PARD3B: variants seen among roughly 807,000 people sequenced by gnomAD.
PARD3B encodes the protein partitioning defective 3 homolog B.
A neutral mutation model predicts 130.2 loss-of-function variants in PARD3B; 103 were observed. That is an observed-to-expected ratio of 0.79 (90% CI 0.67 to 0.93). The LOEUF (loss-of-function observed/expected upper bound fraction) is 0.93. Ranked by LOEUF, PARD3B falls within the 40% of genes least tolerant of loss-of-function variation. PARD3B has a pLI of 0.00. For synonymous variants in PARD3B, 583 were observed against 553.2 expected, an observed-to-expected ratio of 1.05 and a Z score of -0.76; for missense variants, 1,609 against 1,499.2, an observed-to-expected ratio of 1.07 and a Z score of -1.21.
intron 22 of PARD3B, among the ~76,000 whole-genome samples, chr2:205,611,417 C>T (rs528996206): frequency 2.0e-5 from 3 of 152,180 alleles, no homozygotes; most frequent in African/African-American, 7.2e-5. Context: ...TTCCAGCCCC[C>T]CTTTTGCTTA....
At chr2:204,559,696 C>A (rs1005712696) in intron 1 of PARD3B, among the ~76,000 whole-genome samples, 3 of 152,076 alleles carry the variant, frequency 2.0e-5, no homozygotes, top group Non-Finnish European at 4.4e-5. Flanking sequence ...GGGTATATAC[C>A]CAAAGGATTA....
intron 1 of PARD3B, among the ~76,000 whole-genome samples, chr2:204,608,782 G>A (rs1449147648): frequency 6.6e-6 from 1 of 152,194 alleles, no homozygotes; most frequent in African/African-American, 2.4e-5. Flanking sequence ...CTTTTGCAGT[G>A]TGATGATATT....
chr2:204,861,210 CTCTCGT>C lies in PARD3B; in HGVS notation c.223-103941_223-103936del, dbSNP rs1201134530. On this transcript the variant is annotated intron_variant, in intron 2 of 22. Coordinates refer to ENST00000406610, the MANE Select transcript of PARD3B (RefSeq NM_001302769.2). ...TCTCTCTCTCTCTCTCTCTCTCTCT[CTCTCGT>C]ACCTCTTATTTGATATTGTGTTTCC... Among the ~76,000 whole-genome samples the C allele has an allele frequency of 3.3e-5, 4 of 122,898 alleles. No homozygotes were observed. The East Asian group carries it at 9.2e-4, about 28-fold the overall frequency. 80.6% of individuals were successfully genotyped at this position (122,898 alleles called of 152,430 possible). A position where few individuals can be genotyped will look rare whatever the true frequency, so the allele number is the denominator to read the frequency against.
At chr2:205,475,220 C>T (rs1011566689) in intron 20 of PARD3B, among the ~76,000 whole-genome samples, 1 of 152,068 alleles carries the variant, frequency 6.6e-6, no homozygotes, top group Admixed American at 6.6e-5. Flanking sequence ...AAGAGCCTCA[C>T]AGTAGATTGT....
chr2:205,243,055 A>T (rs2125915963), intron 15 of PARD3B, among the ~76,000 whole-genome samples: 1 of 152,244 alleles, frequency 6.6e-6, no homozygotes, highest in East Asian at 1.9e-4. Flanking sequence ...AATCCCAGCT[A>T]CTCAGGAGGC....
intron 20 of PARD3B, among the ~76,000 whole-genome samples, chr2:205,499,155 A>G (rs2050059144): frequency 6.6e-6 from 1 of 152,104 alleles, no homozygotes; most frequent in African/African-American, 2.4e-5. Flanking sequence ...AATAACTACA[A>G]TAACCTAATC....
At chr2:205,425,889 G>A (rs2047128408) in intron 19 of PARD3B, among the ~76,000 whole-genome samples, 1 of 152,154 alleles carries the variant, frequency 6.6e-6, no homozygotes, top group Non-Finnish European at 1.5e-5. Context: ...CGTGTTATTT[G>A]TGTGTGCACA....
intron 2 of PARD3B, among the ~76,000 whole-genome samples, chr2:204,722,094 A>G (rs773483927): frequency 3.3e-5 from 5 of 152,210 alleles, no homozygotes; most frequent in Non-Finnish European, 5.9e-5. Flanking sequence ...ATAGATTTCA[A>G]TTATACTAAA....
At chr2:204,839,582 A>G (rs2044187539) in intron 2 of PARD3B, among the ~76,000 whole-genome samples, 1 of 152,134 alleles carries the variant, frequency 6.6e-6, no homozygotes, top group Non-Finnish European at 1.5e-5. Flanking sequence ...ACTCTTTTAG[A>G]GAGAGATGAT....
intron 3 of PARD3B, among the ~76,000 whole-genome samples, chr2:204,985,941 A>C (rs939399101): frequency 1.3e-5 from 2 of 151,866 alleles, no homozygotes; most frequent in African/African-American, 4.8e-5. Flanking sequence ...CTCTACTAAA[A>C]ATACAAAAAG....
At chr2:205,353,598 A>G (rs901931743) in intron 18 of PARD3B, among the ~76,000 whole-genome samples, 2 of 152,172 alleles carry the variant, frequency 1.3e-5, no homozygotes, top group South Asian at 4.1e-4. Flanking sequence ...AAATAAAATT[A>G]TTTTAGAATT....
chr2:205,250,834 C>T (rs1177915777), intron 16 of PARD3B, among the ~76,000 whole-genome samples: 2 of 152,110 alleles, frequency 1.3e-5, no homozygotes, highest in African/African-American at 2.4e-5. Flanking sequence ...AAGCCTGAGG[C>T]AAGAGAATCG....
chr2:204,707,182 G>A (rs1404040637), intron 2 of PARD3B, among the ~76,000 whole-genome samples: 1 of 152,184 alleles, frequency 6.6e-6, no homozygotes, highest in Admixed American at 6.5e-5. Context: ...ACATGCATAT[G>A]TGTGCTCTAA....
intron 20 of PARD3B, among the ~76,000 whole-genome samples, chr2:205,482,383 A>T (rs773673167): frequency 3.9e-5 from 6 of 152,156 alleles, no homozygotes; most frequent in Non-Finnish European, 8.8e-5. Context: ...TGAAGGTACA[A>T]ACCGGATTGT....
At chr2:204,980,292 T>C (rs1692552594) in intron 3 of PARD3B, among the ~76,000 whole-genome samples, 1 of 152,210 alleles carries the variant, frequency 6.6e-6, no homozygotes, top group Non-Finnish European at 1.5e-5. Context: ...ATGTAGTATT[T>C]GTTTATAACC....
chr2:204,597,705 T>G (rs1302799001), intron 1 of PARD3B, among the ~76,000 whole-genome samples: 1 of 152,188 alleles, frequency 6.6e-6, no homozygotes, highest in African/African-American at 2.4e-5. Context: ...GAGTAGAGCC[T>G]GGTACATTAT....
chr2:204,897,921 C>T (rs970090908), intron 2 of PARD3B, among the ~76,000 whole-genome samples: 3 of 149,646 alleles, frequency 2.0e-5, no homozygotes, highest in African/African-American at 2.4e-5. Flanking sequence ...TTGGTTGAGT[C>T]AACAAACAGA....
intron 16 of PARD3B, among the ~76,000 whole-genome samples, chr2:205,259,596 A>C (rs2040223990): frequency 6.6e-6 from 1 of 151,988 alleles, no homozygotes; most frequent in Admixed American, 6.6e-5. Context: ...GCTTTATATC[A>C]ATGTTTTTTA....
intron 2 of PARD3B, among the ~76,000 whole-genome samples, chr2:204,713,927 A>G (rs551170649): frequency 1.3e-5 from 2 of 152,266 alleles, no homozygotes; most frequent in African/African-American, 4.8e-5. Context: ...TCTAGATGGT[A>G]GTTGTGCTCT....
Sources: gnomAD v4.1 joint callset for allele counts (sites outside exome capture counted in the v4.1 genomes callset) on GRCh38, gnomAD v4.1.1 for gene constraint, MANE v1.5 for transcripts, NCBI Gene and HGNC (gene_info 2026-07-23, HGNC 2026-07-21) for gene names.